Variants in ANKHD1 observed in about 807,000 individuals in gnomAD.
ANKHD1 encodes ankyrin repeat and KH domain containing 1.
ANKHD1 carries 31 observed loss-of-function variants against 230.5 expected under a neutral mutation model. The ratio of observed to expected loss-of-function variants is 0.13; its 90% CI spans 0.10 to 0.18. The LOEUF (loss-of-function observed/expected upper bound fraction) is 0.18. Among genes scored for constraint, ANKHD1 ranks in the 10% least tolerant of loss-of-function variants. The pLI, the probability that ANKHD1 is intolerant of heterozygous loss-of-function variation, is 1.00. For missense variants in ANKHD1, 2,256 were observed against 3,071.3 expected, an observed-to-expected ratio of 0.73 and a Z score of 6.27; for synonymous variants, 1,074 against 1,117.6, an observed-to-expected ratio of 0.96 and a Z score of 0.78.
Position 140,506,964 on chromosome 5 carries a change from GAAATTA to G in ANKHD1, c.3540_3545del (p.Glu1180_Asn1182delinsAsp), listed in dbSNP as rs1752566455. On this transcript the variant is annotated inframe_deletion, in exon 19 of 34. Transcript: ENST00000360839. This position sits in a 1 kb window ranked among gnomAD's most constrained non-coding sequence, Gnocchi z 4.7. The stretch of plus-strand genomic sequence containing the variant: ...TAAGATTCTGCTTAATGCTGGGGCA[GAAATTA>G]ATTCAAGGTATTGCCTGTTCATTTT... The G allele has an allele frequency of 6.2e-7, 1 of 1,613,414 alleles. No homozygotes were observed. The highest frequency in any genetic ancestry group is 8.5e-7 in the Non-Finnish European group (1 of 1,179,864).
intron 1 of ANKHD1, among the ~76,000 whole-genome samples, chr5:140,407,677 C>T (rs766660574): frequency 5.3e-5 from 8 of 152,110 alleles, no homozygotes; most frequent in Non-Finnish European, 8.8e-5. Context: ...AGTTGTAAGC[C>T]ACTGTGCCTG....
rs1377937889 is a variant in ANKHD1, at chr5:140,497,029, G to T, written c.2755G>T (p.Ala919Ser). Reference sequence around the variant, plus strand: ...TGATGAGCAACAGTCTCCACCATCGGCAGAACAGATTGATTTTGTCCCAGT... The same window carrying T: ...TGATGAGCAACAGTCTCCACCATCGTCAGAACAGATTGATTTTGTCCCAGT... ...VDDEQQSPPS[A>S]EQIDFVPVQP... The change falls in exon 15 of 34, where the codon GCA becomes TCA. Residue 919 changes from alanine to serine, a missense_variant. This residue lies in a region of ANKHD1 where 358 missense variants were observed against 397.7 expected (regional missense o/e 0.90). Coordinates refer to ENST00000360839, the MANE Select transcript of ANKHD1 (RefSeq NM_017747.3). The T allele has an allele frequency of 6.2e-7, 1 of 1,614,156 alleles. No homozygotes were observed. The highest frequency in any genetic ancestry group is 1.6e-4 in the Middle Eastern group (1 of 6,062).
At chr5:140,447,959 C>T (rs917772936) in intron 6 of ANKHD1, among the ~76,000 whole-genome samples, 4 of 152,118 alleles carry the variant, frequency 2.6e-5, no homozygotes, top group African/African-American at 7.2e-5. Context: ...TGTTGCTGCC[C>T]AGATGAAACT....
At chr5:140,446,250 A>G (rs116460625) in intron 6 of ANKHD1, among the ~76,000 whole-genome samples, 2 of 152,328 alleles carry the variant, frequency 1.3e-5, no homozygotes, top group Non-Finnish European at 2.9e-5. Flanking sequence ...CCATTATTTA[A>G]TAACTTTTGT....
Position 140,510,252 on chromosome 5 carries a change from G to A in ANKHD1, c.4104+71G>A, listed in dbSNP as rs983248718. ...AGTTAAAACCATGTGAGAAAGATAA[G>A]TTTATCTTGGAGAATTGAGTATATT... On this transcript the variant is annotated intron_variant, in intron 22 of 33. Transcript: ENST00000360839. 4.5e-6 allele frequency: 6 copies of A among 1,332,382 alleles called. No individual in the cohort carries two copies. The East Asian group carries it at 1.7e-4, about 38-fold the overall frequency. 82.5% of individuals were successfully genotyped at this position (1,332,382 alleles called of 1,614,324 possible). A position where few individuals can be genotyped will look rare whatever the true frequency, so the allele number is the denominator to read the frequency against.
chr5:140,430,847 T>C (rs1283115830), intron 1 of ANKHD1, among the ~76,000 whole-genome samples: 2 of 152,088 alleles, frequency 1.3e-5, no homozygotes, highest in South Asian at 4.2e-4. Flanking sequence ...TTATTTTTCG[T>C]AGAGACAAGG....
At chr5:140,484,161 T>A (rs1175651062) in intron 11 of ANKHD1, among the ~76,000 whole-genome samples, 1 of 152,232 alleles carries the variant, frequency 6.6e-6, no homozygotes, top group Admixed American at 6.5e-5. Context: ...GCTGGATATT[T>A]TCTGAAAATT....
chr5:140,405,320 A>C (rs983084926), intron 1 of ANKHD1, among the ~76,000 whole-genome samples: 1 of 152,096 alleles, frequency 6.6e-6, no homozygotes, highest in Non-Finnish European at 1.5e-5. Context: ...TAATCTGTGT[A>C]AGCAGGAAAT....
intron 10 of ANKHD1, among the ~76,000 whole-genome samples, chr5:140,470,601 C>G (rs1776417462): frequency 1.0e-5 from 1 of 95,576 alleles, no homozygotes; most frequent in Non-Finnish European, 2.3e-5. Flanking sequence ...TTTCTGTATA[C>G]TTGTTTCTGC....
In ANKHD1 at chr5:140,513,467, T is replaced by G; in HGVS notation, c.4305T>G (p.Leu1435=). 6.2e-7 allele frequency: 1 copy of G among 1,612,420 alleles called. No homozygotes were observed. The highest frequency in any genetic ancestry group is 8.5e-7 in the Non-Finnish European group (1 of 1,179,424). ...ATGCGAGTATTCTTTTAAAGGAACT[T>G]GATCTGGAAAAGGTGAGTGGGAAAA... ...NKNASILLKE[L]DLEKSREESR... The change falls in exon 24 of 34, where the codon CTT becomes CTG. Residue 1435 remains leucine, a synonymous_variant. Transcript: ENST00000360839.
intron 6 of ANKHD1, among the ~76,000 whole-genome samples, chr5:140,447,588 A>G (rs757555841): frequency 5.5e-4 from 84 of 152,250 alleles, no homozygotes; most frequent in Non-Finnish European, 9.7e-4. Flanking sequence ...TTGGTTGCAT[A>G]TGTCACAAAA....
chr5:140,447,883 A>C (rs1390264468), intron 6 of ANKHD1, among the ~76,000 whole-genome samples: 1 of 152,144 alleles, frequency 6.6e-6, no homozygotes, highest in African/African-American at 2.4e-5. Flanking sequence ...TATAACTACC[A>C]CTTACATCTC....
At chr5:140,460,240 C>T (rs1260819109) in intron 9 of ANKHD1, among the ~76,000 whole-genome samples, 1 of 151,688 alleles carries the variant, frequency 6.6e-6, no homozygotes, top group Admixed American at 6.6e-5. Flanking sequence ...AGTACTTTTA[C>T]ATAGAATATT....
chr5:140,527,108 A>G lies in ANKHD1; in HGVS notation c.5087+34A>G, dbSNP rs367852210. On this transcript the variant is annotated intron_variant, in intron 27 of 33. Coordinates refer to ENST00000360839, the MANE Select transcript of ANKHD1 (RefSeq NM_017747.3). This position sits in a 1 kb window ranked among gnomAD's most constrained non-coding sequence, Gnocchi z 4.5. ...AATTAGTTCCATCTTTTTAGCTTTCATATATTTTCCCTTTCTCATGTGAGA... is the reference window on the plus strand; with the variant it reads ...AATTAGTTCCATCTTTTTAGCTTTCGTATATTTTCCCTTTCTCATGTGAGA... 31 of 1,587,958 alleles carry G rather than the reference A, an allele frequency of 2.0e-5. No individual in the cohort carries two copies. In the African/African-American group the frequency reaches 2.7e-4, roughly 14 times the overall value.
chr5:140,439,010 T>C (rs1461755050), intron 3 of ANKHD1, among the ~76,000 whole-genome samples: 2 of 152,208 alleles, frequency 1.3e-5, no homozygotes, highest in Admixed American at 1.3e-4. Flanking sequence ...TACTCAAATA[T>C]GGTCCATGGA....
At chr5:140,496,415 CGT>C in intron 14 of ANKHD1, 103 bp from the exon 15 acceptor site, 1 of 1,217,062 alleles carries the variant, frequency 8.2e-7, no homozygotes. Flanking sequence ...GAGGGAGGTC[CGT>C]GTGTGTGGGA....
chr5:140,497,069 C>T lies in ANKHD1; in HGVS notation c.2795C>T (p.Ser932Phe). 1 of 1,614,148 alleles carries T rather than the reference C, an allele frequency of 6.2e-7. No individual in the cohort carries two copies. Among genetic ancestry groups the T allele is most frequent in the Non-Finnish European group, 8.5e-7 (1 of 1,180,018 alleles). The change falls in exon 15 of 34, where the codon TCT becomes TTT. Residue 932 changes from serine (S) to phenylalanine (F), a missense_variant. Coordinates refer to ENST00000360839, the MANE Select transcript of ANKHD1 (RefSeq NM_017747.3). ...IDFVPVQPLS[S>F]PQCNFSSDLG... The stretch of plus-strand genomic sequence containing the variant: ...TTTGTCCCAGTCCAGCCTTTATCAT[C>T]TCCACAGTGTAACTTTTCCAGTGAC...
chr5:140,496,443 C>CTTTTTTTTTTTTTTTTTTTTTTTTT, intron 14 of ANKHD1, 77 bp from the exon 15 acceptor site: 3 of 718,958 alleles, frequency 4.2e-6, no homozygotes, highest in Admixed American at 4.9e-5. Flanking sequence ...GGCTGGTTTT[C>CTTTTTTTTTTTTTTTTTTTTTTTTT]TTTTTTTTTT....
intron 1 of ANKHD1, among the ~76,000 whole-genome samples, chr5:140,432,236 C>T (rs1328531508): frequency 6.6e-6 from 1 of 152,218 alleles, no homozygotes; most frequent in Non-Finnish European, 1.5e-5. Context: ...GACTCACTTA[C>T]AGTCACTCCT....
Sources: gnomAD v4.1 joint callset for allele counts (sites outside exome capture counted in the v4.1 genomes callset) on GRCh38, gnomAD v4.1.1 for gene constraint, gnomAD v4.1.1 regional missense constraint, Gnocchi (gnomAD v3.1) non-coding constraint, MANE v1.5 for transcripts, NCBI Gene and HGNC (gene_info 2026-07-23, HGNC 2026-07-21) for gene names.